WARS2: variants seen among roughly 807,000 people sequenced by gnomAD.
The protein encoded by WARS2 is tryptophanyl tRNA synthetase 2, mitochondrial.
WARS2 carries 28 observed loss-of-function variants against 36.5 expected under a neutral mutation model. The ratio of observed to expected loss-of-function variants is 0.77; its 90% CI spans 0.57 to 1.05. The LOEUF is 1.05. WARS2 is among the 50% of genes least tolerant of loss of function. WARS2 has a pLI of 0.00. For missense variants in WARS2, 435 were observed against 456.8 expected (o/e 0.95, Z 0.44); for synonymous variants, 174 against 178.4 (o/e 0.98, Z 0.20).
chr1:119,117,295 G>A lies in WARS2; in HGVS notation c.90+23260C>T, dbSNP rs114001813. ...CAAGCCCCACCTAAGGAGAGTCTGA[G>A]CTCAGACTTGCCTAACCCTGCACCC... is the stretch of plus-strand genomic sequence containing the variant. On this transcript the variant is annotated intron_variant, in intron 1 of 5. Coordinates refer to ENST00000235521, the MANE Select transcript of WARS2 (RefSeq NM_015836.4). Among the ~76,000 whole-genome samples, 432 of 152,230 alleles carry A rather than the reference G, an allele frequency of 2.8e-3. 2 individuals carry two copies. The highest frequency in any genetic ancestry group is 9.8e-3 in the African/African-American group (407 of 41,526).
chr1:119,070,598 C>T (rs1039582334), intron 2 of WARS2, among the ~76,000 whole-genome samples: 7 of 94 alleles, frequency 0.074, no homozygotes, highest in African/African-American at 0.13. Context: ...GTTTTCTGGC[C>T]AGGCACAGGT....
Position 119,042,288 on chromosome 1 carries a change from T to A in WARS2, c.491A>T (p.Gln164Leu), listed in dbSNP as rs747679577. ...CTTGTACAACAGAATGTCGGCTGCCTGGAGTACTGGGTATGTGAGCAGGCC... is the reference window on the plus strand; with the variant it reads ...CTTGTACAACAGAATGTCGGCTGCCAGGAGTACTGGGTATGTGAGCAGGCC... ...TVGLLTYPVL[Q>L]AADILLYKST... The change falls in exon 4 of 6, where the codon CAG (glutamine) becomes CTG (leucine). Residue 164 changes from glutamine to leucine, a missense_variant. Coordinates refer to ENST00000235521, the MANE Select transcript of WARS2 (RefSeq NM_015836.4). 1 of 1,613,900 alleles carries A rather than the reference T, an allele frequency of 6.2e-7. No homozygotes were observed. Among genetic ancestry groups the A allele is most frequent in the Admixed American group, 1.7e-5 (1 of 60,006 alleles).
At chr1:119,113,689 A>G (rs1014591060) in intron 1 of WARS2, among the ~76,000 whole-genome samples, 1 of 152,176 alleles carries the variant, frequency 6.6e-6, no homozygotes, top group Non-Finnish European at 1.5e-5. Flanking sequence ...CTGAACAAAA[A>G]GATCAAATCC....
At chr1:119,126,206 T>A (rs1343007956) in intron 1 of WARS2, among the ~76,000 whole-genome samples, 1 of 148,582 alleles carries the variant, frequency 6.7e-6, no homozygotes, top group East Asian at 2.0e-4. Flanking sequence ...AAAACTCCAA[T>A]CCTGGATCAA....
intron 1 of WARS2, among the ~76,000 whole-genome samples, chr1:119,113,538 G>C (rs939711116): frequency 2.0e-5 from 3 of 152,206 alleles, no homozygotes; most frequent in Middle Eastern, 3.4e-3. Flanking sequence ...TTTTTTTAAG[G>C]TTAAAAAGTA....
At chr1:119,109,805 T>G (rs925150129) in intron 1 of WARS2, among the ~76,000 whole-genome samples, 3 of 151,962 alleles carry the variant, frequency 2.0e-5, no homozygotes, top group Non-Finnish European at 2.9e-5. Flanking sequence ...GCCTTTTTTT[T>G]GTTCTTATTT....
chr1:119,091,374 A>C (rs747845922), intron 1 of WARS2, among the ~76,000 whole-genome samples: 1 of 152,342 alleles, frequency 6.6e-6, no homozygotes, highest in South Asian at 2.1e-4. Context: ...TGAGGCACAG[A>C]AGGGTTAAAT....
At chr1:119,084,176 G>A (rs1343391130) in intron 1 of WARS2, among the ~76,000 whole-genome samples, 1 of 17,794 alleles carries the variant, frequency 5.6e-5, no homozygotes, top group Non-Finnish European at 1.0e-4. Context: ...CAACTACGTC[G>A]GCTAATTTTT....
At chr1:119,087,481 G>A (rs1171201858) in intron 1 of WARS2, among the ~76,000 whole-genome samples, 1 of 152,216 alleles carries the variant, frequency 6.6e-6, no homozygotes, top group African/African-American at 2.4e-5. Flanking sequence ...TAAATGGGAA[G>A]CAGACCATCA....
intron 3 of WARS2, among the ~76,000 whole-genome samples, chr1:119,043,217 T>C (rs1648522809): frequency 6.6e-6 from 1 of 150,944 alleles, no homozygotes; most frequent in Admixed American, 6.6e-5. Flanking sequence ...TTTCAAGGCC[T>C]AAGGTATAGC....
chr1:119,082,225 A>G (rs918129031), intron 1 of WARS2: 6 of 974,786 alleles, frequency 6.2e-6, no homozygotes, highest in Non-Finnish European at 3.7e-6. Context: ...AGTTCAGTAA[A>G]AGAGTTTAAA....
At chr1:119,107,186 T>C (rs1437792044) in intron 1 of WARS2, among the ~76,000 whole-genome samples, 1 of 152,152 alleles carries the variant, frequency 6.6e-6, no homozygotes, top group African/African-American at 2.4e-5. Flanking sequence ...AAGAGTTCTT[T>C]GTATATTTTT....
At chr1:119,108,745 C>A (rs142258276) in intron 1 of WARS2, among the ~76,000 whole-genome samples, 2,518 of 151,942 alleles carry the variant, frequency 0.017, 28 homozygotes, top group Middle Eastern at 0.048. Flanking sequence ...TTTATTTTCA[C>A]TTGCTTATTT....
chr1:119,034,219 AT>A lies in WARS2; in HGVS notation c.516-7del. ...CAACAGGAACGTGTGTGGACCTTTA[AT>A]AAAAGACAGACAGAAAAACAACAGC... On this transcript the variant is annotated splice_polypyrimidine_tract_variant and splice_region_variant and intron_variant, in intron 4 of 5. Coordinates refer to ENST00000235521, the MANE Select transcript of WARS2 (RefSeq NM_015836.4). 4 of 1,611,058 alleles carry A rather than the reference AT, an allele frequency of 2.5e-6. No individual in the cohort carries two copies. The South Asian group carries it at 4.4e-5, about 18-fold the overall frequency.
intron 4 of WARS2, 108 bp downstream of exon 4, chr1:119,042,156 C>T (rs114473983): frequency 0.036 from 33,278 of 926,390 alleles, 718 homozygotes; most frequent in Non-Finnish European, 0.045. Flanking sequence ...AGATGTCTGA[C>T]GCTTTCTGCA....
At chr1:119,140,444 A>C in intron 1 of WARS2, 111 bp downstream of exon 1, 1 of 933,652 alleles carries the variant, frequency 1.1e-6, no homozygotes, top group East Asian at 2.6e-5. Flanking sequence ...AGGCGAGGGA[A>C]GGCATGTACT....
chr1:119,115,200 G>A (rs1654882397), intron 1 of WARS2, among the ~76,000 whole-genome samples: 1 of 152,178 alleles, frequency 6.6e-6, no homozygotes, highest in African/African-American at 2.4e-5. Flanking sequence ...CCTTCTTGCA[G>A]TAAGTGCTGT....
chr1:119,054,628 T>C (rs1649625509), intron 2 of WARS2, among the ~76,000 whole-genome samples: 1 of 152,158 alleles, frequency 6.6e-6, no homozygotes. Context: ...TCATTCACAA[T>C]AGCTGAAAGA....
intron 1 of WARS2, among the ~76,000 whole-genome samples, chr1:119,101,437 C>T (rs957709581): frequency 1.1e-4 from 17 of 152,232 alleles, no homozygotes; most frequent in African/African-American, 4.1e-4. Flanking sequence ...AATACAGGTG[C>T]TTAATATATA....
Sources: allele counts gnomAD v4.1 joint callset (sites outside exome capture counted in the v4.1 genomes callset), GRCh38; gene constraint gnomAD v4.1.1; transcripts MANE v1.5; gene names NCBI Gene and HGNC (gene_info 2026-07-23, HGNC 2026-07-21).